Variants in PTPRR observed in about 807,000 individuals in gnomAD.
PTPRR encodes the protein receptor-type tyrosine-protein phosphatase R.
A neutral mutation model predicts 77.2 loss-of-function variants in PTPRR; 38 were observed. The ratio of observed to expected loss-of-function variants is 0.49; its 90% CI spans 0.38 to 0.65. The LOEUF (loss-of-function observed/expected upper bound fraction) is 0.65. Among genes scored for constraint, PTPRR ranks in the 30% least tolerant of loss-of-function variants. The pLI is 0.00. For missense variants in PTPRR, 744 were observed against 799.2 expected (o/e 0.93, Z 0.83); for synonymous variants, 299 against 283.1 (o/e 1.06, Z -0.57).
chr12:70,771,337 G>A (rs1890971960), intron 2 of PTPRR, among the ~76,000 whole-genome samples: 1 of 152,030 alleles, frequency 6.6e-6, no homozygotes, highest in Admixed American at 6.6e-5. Context: ...ATAAGTGGGA[G>A]CTGAACATTG....
intron 6 of PTPRR, among the ~76,000 whole-genome samples, chr12:70,703,031 C>T (rs1316511120): frequency 6.6e-6 from 1 of 151,116 alleles, no homozygotes; most frequent in Non-Finnish European, 1.5e-5. Flanking sequence ...CCTATTCTTT[C>T]CTTCCTTTTT....
intron 6 of PTPRR, among the ~76,000 whole-genome samples, chr12:70,712,983 T>G (rs1405803603): frequency 6.6e-6 from 1 of 152,096 alleles, no homozygotes; most frequent in Non-Finnish European, 1.5e-5. Flanking sequence ...TACAATAAAT[T>G]TTAAAGCATT....
chr12:70,830,875 C>CT (rs1315006505), intron 2 of PTPRR, among the ~76,000 whole-genome samples: 2 of 152,204 alleles, frequency 1.3e-5, no homozygotes, highest in Non-Finnish European at 2.9e-5. Flanking sequence ...TATAGCCAGC[C>CT]ACTAGTCTAA....
intron 1 of PTPRR, among the ~76,000 whole-genome samples, chr12:70,904,018 A>C (rs1893582274): frequency 6.6e-6 from 1 of 151,888 alleles, no homozygotes; most frequent in Admixed American, 6.6e-5. Flanking sequence ...GCATATTAAA[A>C]ATTGTGATAT....
At chr12:70,848,744 A>T (rs1358673695) in intron 2 of PTPRR, among the ~76,000 whole-genome samples, 2 of 152,248 alleles carry the variant, frequency 1.3e-5, no homozygotes, top group Admixed American at 6.5e-5. Context: ...TAAAACAATC[A>T]TTCACAATTT....
chr12:70,884,719 A>T lies in PTPRR; in HGVS notation c.357+7960T>A, dbSNP rs566974617. On this transcript the variant is annotated intron_variant, in intron 2 of 13. Transcript: ENST00000283228. ...CGTCTCTACTAAAAAATACAAAAAA[A>T]AAATTACCCGGGCGTAGTGGCGGGC... Among the ~76,000 whole-genome samples, 187 of 151,028 alleles carry T rather than the reference A, an allele frequency of 1.2e-3. 1 individual carries two copies. Among genetic ancestry groups the T allele is most frequent in the Non-Finnish European group, 2.2e-3 (149 of 67,848 alleles).
At chr12:70,654,710 A>G (rs1158874264) in intron 13 of PTPRR, among the ~76,000 whole-genome samples, 1 of 152,202 alleles carries the variant, frequency 6.6e-6, no homozygotes, top group East Asian at 1.9e-4. Context: ...TTTTTCTGCT[A>G]GCATATAAAT....
rs576914574 is a variant in PTPRR at position 70,702,907 on chromosome 12, G to A, written c.1008-1584C>T. Reference sequence around the variant, plus strand: ...CTAAATATTTCACAGATGTTTTGCTGGCATCTAGTTTGATTATCTGTATAT... The same window carrying A: ...CTAAATATTTCACAGATGTTTTGCTAGCATCTAGTTTGATTATCTGTATAT... On this transcript the variant is annotated intron_variant, in intron 6 of 13. Coordinates refer to ENST00000283228, the MANE Select transcript of PTPRR (RefSeq NM_002849.4). Among the ~76,000 whole-genome samples the A allele has an allele frequency of 2.7e-4, 41 of 151,872 alleles. 1 individual carries two copies. The highest frequency in any genetic ancestry group is 9.7e-4 in the African/African-American group (40 of 41,442).
chr12:70,746,428 T>A (rs528515326), intron 5 of PTPRR, among the ~76,000 whole-genome samples: 1 of 152,278 alleles, frequency 6.6e-6, no homozygotes, highest in East Asian at 1.9e-4. Flanking sequence ...GGAATAACCG[T>A]AAAACACACG....
chr12:70,677,799 T>C (rs1464051438), intron 10 of PTPRR, among the ~76,000 whole-genome samples: 1 of 152,248 alleles, frequency 6.6e-6, no homozygotes, highest in Non-Finnish European at 1.5e-5. Context: ...CTATTGATTT[T>C]TACTAATGGT....
chr12:70,814,532 T>C (rs1367639661), intron 2 of PTPRR, among the ~76,000 whole-genome samples: 1 of 151,838 alleles, frequency 6.6e-6, no homozygotes, highest in East Asian at 1.9e-4. Context: ...AACAGGGAGG[T>C]CCCCAGCTTA....
intron 2 of PTPRR, among the ~76,000 whole-genome samples, chr12:70,879,936 C>T (rs1005955328): frequency 1.3e-5 from 2 of 152,114 alleles, no homozygotes; most frequent in East Asian, 3.9e-4. Context: ...ATAAATTAGG[C>T]ATTCAGTAAA....
chr12:70,800,729 C>T (rs765652148), intron 2 of PTPRR, among the ~76,000 whole-genome samples: 148 of 151,800 alleles, frequency 9.7e-4, no homozygotes, highest in African/African-American at 3.2e-3. Context: ...ACCCCATCTC[C>T]ACTAAAAATA....
intron 2 of PTPRR, among the ~76,000 whole-genome samples, chr12:70,780,668 A>T (rs1301223378): frequency 6.6e-6 from 1 of 152,146 alleles, no homozygotes; most frequent in African/African-American, 2.4e-5. Flanking sequence ...GTGATGCTAT[A>T]ACTACCACAT....
At chr12:70,662,357 A>G in intron 11 of PTPRR, 138 bp downstream of exon 11, 1 of 513,774 alleles carries the variant, frequency 1.9e-6, no homozygotes. Context: ...ACATGAGGGA[A>G]TGATTATAGT....
intron 2 of PTPRR, among the ~76,000 whole-genome samples, chr12:70,782,164 T>C (rs1033880661): frequency 3.9e-5 from 6 of 152,272 alleles, no homozygotes; most frequent in South Asian, 2.1e-4. Flanking sequence ...CATTTAAAAG[T>C]GCTTGCCTGT....
chr12:70,763,764 A>G (rs1890747818), intron 3 of PTPRR, among the ~76,000 whole-genome samples: 1 of 152,180 alleles, frequency 6.6e-6, no homozygotes, highest in Admixed American at 6.5e-5. Context: ...AAACCTGTAC[A>G]GTGATCCCAA....
At chr12:70,733,475 AAAAAAAG>A (rs1401365158) in intron 6 of PTPRR, among the ~76,000 whole-genome samples, 4,169 of 88,970 alleles carry the variant, frequency 0.047, 284 homozygotes, top group African/African-American at 0.18. Flanking sequence ...TATGGCAAAA[AAAAAAAG>A]AAAAAAAAAG....
At chr12:70,770,037 A>T (rs1348974975) in intron 2 of PTPRR, among the ~76,000 whole-genome samples, 4 of 151,988 alleles carry the variant, frequency 2.6e-5, no homozygotes, top group Admixed American at 2.6e-4. Context: ...TAAACATTAG[A>T]CCTAAAACCA....
Sources: gnomAD v4.1 joint callset for allele counts (sites outside exome capture counted in the v4.1 genomes callset) on GRCh38, gnomAD v4.1.1 for gene constraint, MANE v1.5 for transcripts, NCBI Gene and HGNC (gene_info 2026-07-23, HGNC 2026-07-21) for gene names.